SMO: variants seen among roughly 807,000 people sequenced by gnomAD.
SMO encodes protein smoothened.
A neutral mutation model predicts 81.6 loss-of-function variants in SMO; 40 were observed. That is an observed-to-expected ratio of 0.49 (90% CI 0.38 to 0.64). The LOEUF (loss-of-function observed/expected upper bound fraction) is 0.64. Among genes scored for constraint, SMO ranks in the 30% least tolerant of loss-of-function variants. SMO has a pLI of 0.00. For missense variants in SMO, 916 were observed against 1,061.1 expected (o/e 0.86, Z 1.90); for synonymous variants, 434 against 432.1 (o/e 1.00, Z -0.05).
chr7:129,192,050 A>G (rs546852097), intron 1 of SMO, among the ~76,000 whole-genome samples: 1 of 152,202 alleles, frequency 6.6e-6, no homozygotes, highest in Non-Finnish European at 1.5e-5. Context: ...TCTAAAAAAA[A>G]AAAAGGAAGA....
In SMO at chr7:129,208,283, T is replaced by C. The variant is rs1446095492; in HGVS notation, c.1265-476T>C. ...TCCTGGCCAACATGGTGAAACCCCA[T>C]CTTTACAAAAATACAAAAATTAGCC... On this transcript the variant is annotated intron_variant, in intron 6 of 11. Coordinates refer to ENST00000249373, the MANE Select transcript of SMO (RefSeq NM_005631.5). The surrounding 1 kb of genome is among the most constrained non-coding windows in gnomAD (Gnocchi z 5.2). Among the ~76,000 whole-genome samples the C allele has an allele frequency of 6.6e-6, 1 of 152,038 alleles. No individual in the cohort carries two copies. Among genetic ancestry groups the C allele is most frequent in the African/African-American group, 2.4e-5 (1 of 41,418 alleles).
In SMO at chr7:129,208,989, G is replaced by GGTGGTA; in HGVS notation, c.1357+149_1357+154dup. ...GGGACAAGGACAAGGGGTGTGTGTA[G>GGTGGTA]GTGGTAGTGGTAGTGGCAGCTCAAA... On this transcript the variant is annotated intron_variant, in intron 7 of 11. Coordinates refer to ENST00000249373, the MANE Select transcript of SMO (RefSeq NM_005631.5). This position sits in a 1 kb window ranked among gnomAD's most constrained non-coding sequence, Gnocchi z 5.2. 1.5e-6 allele frequency: 1 copy of GGTGGTA among 659,502 alleles called. No homozygotes were observed. Among genetic ancestry groups the GGTGGTA allele is most frequent in the Non-Finnish European group, 2.7e-6 (1 of 367,020 alleles). 40.9% of individuals were successfully genotyped at this position (659,502 alleles called of 1,614,324 possible).
rs1793914729 is a variant in SMO at position 129,213,506 on chromosome 7, G to A, written c.*1055G>A. 8.6e-6 allele frequency: 2 copies of A among 231,556 alleles called. No individual in the cohort carries two copies. Among genetic ancestry groups the A allele is most frequent in the Non-Finnish European group, 8.6e-6 (1 of 116,786 alleles). 14.3% of individuals were successfully genotyped at this position (231,556 alleles called of 1,614,324 possible). A position where few individuals can be genotyped will look rare whatever the true frequency, so the allele number is the denominator to read the frequency against. ...AGATGCTGGCTGGGTTCCAGGTTAT[G>A]GGGAGAAGAAATACAGTCAATAAAA... On this transcript the variant is annotated 3_prime_UTR_variant, in exon 12 of 12. Transcript: ENST00000249373.
At chr7:129,205,816 AGG>A (rs761700757) in intron 4 of SMO, 34 bp downstream of exon 4, 1 of 1,585,428 alleles carries the variant, frequency 6.3e-7, no homozygotes, top group African/African-American at 1.3e-5. Flanking sequence ...GTGAAGGTAC[AGG>A]GAGGAAGGCT....
At chr7:129,205,871 C>A in intron 4 of SMO, 89 bp downstream of exon 4, 1 of 1,231,126 alleles carries the variant, frequency 8.1e-7, no homozygotes, top group Non-Finnish European at 1.1e-6. Flanking sequence ...CGTGTAAAAC[C>A]GAGATCCAGG....
rs2150655028 is a variant in SMO, at chr7:129,211,171, T to C, written c.1801+58T>C. The C allele has an allele frequency of 6.5e-7, 1 of 1,541,086 alleles. No homozygotes were observed. ...TGGCCCCGCGCTGCCCATGTGCTAG[T>C]CTCTCCCAGCCTGCTGGGGGCACAC... On this transcript the variant is annotated intron_variant, in intron 10 of 11. Coordinates refer to ENST00000249373, the MANE Select transcript of SMO (RefSeq NM_005631.5). This position sits in a 1 kb window ranked among gnomAD's most constrained non-coding sequence, Gnocchi z 4.6.
At position 129,189,522 on chromosome 7, in the gene SMO, C is replaced by G. The variant is rs1793451756; in HGVS notation, c.331+40C>G. On this transcript the variant is annotated intron_variant, in intron 1 of 11. Coordinates refer to ENST00000249373, the MANE Select transcript of SMO (RefSeq NM_005631.5). This position sits in a 1 kb window ranked among gnomAD's most constrained non-coding sequence, Gnocchi z 4.7. ...GCCGGGTCTGGGGGGCGGGAGGTGC[C>G]GCGGTAAGATGGGGGCACCCTTGGA... 1.3e-6 allele frequency: 2 copies of G among 1,531,926 alleles called. No individual in the cohort carries two copies. Among genetic ancestry groups the G allele is most frequent in the Admixed American group, 2.0e-5 (1 of 50,868 alleles). The allele number at this position is 1,531,926 out of a possible 1,614,324, so 94.9% of individuals were successfully genotyped here.
Position 129,210,156 on chromosome 7 carries a change from A to C in SMO, c.1467-207A>C. The C allele has an allele frequency of 1.9e-6, 1 of 538,228 alleles. No homozygotes were observed. Among genetic ancestry groups the C allele is most frequent in the Non-Finnish European group, 3.4e-6 (1 of 298,346 alleles). 33.3% of individuals were successfully genotyped at this position (538,228 alleles called of 1,614,324 possible). Reference sequence around the variant, plus strand: ...GTTTTTGGATTGATTGTCTGAGTCTACCCAGTAGACTCAGAAAACCCCACC... The same window carrying C: ...GTTTTTGGATTGATTGTCTGAGTCTCCCCAGTAGACTCAGAAAACCCCACC... On this transcript the variant is annotated intron_variant, in intron 8 of 11. Transcript: ENST00000249373. This position sits in a 1 kb window ranked among gnomAD's most constrained non-coding sequence, Gnocchi z 4.7.
At position 129,205,239 on chromosome 7, in the gene SMO, C is replaced by T. The variant is rs1793743645; in HGVS notation, c.574C>T (p.Gln192Ter). The T allele has an allele frequency of 1.2e-6, 2 of 1,614,220 alleles. No homozygotes were observed. Among genetic ancestry groups the T allele is most frequent in the Non-Finnish European group, 1.7e-6 (2 of 1,180,046 alleles). ...VQNIKFNSSG[Q>*]CEVPLVRTDN... ...GAACATCAAGTTCAACAGTTCAGGC[C>T]AGTGCGAAGTGCCCTTGGTTCGGAC... The change falls in exon 3 of 12, where the codon CAG becomes TAG. Residue 192 changes from glutamine (Q) to a stop codon, truncating the protein, a stop_gained. Transcript: ENST00000249373. LOFTEE classifies it high-confidence loss of function.
At chr7:129,192,515 G>C (rs1326509188) in intron 1 of SMO, among the ~76,000 whole-genome samples, 1 of 152,216 alleles carries the variant, frequency 6.6e-6, no homozygotes. Context: ...AGAAGCCATA[G>C]GAGCAGGGAA....
In SMO at chr7:129,205,270, A is replaced by G. The variant is rs765069727; in HGVS notation, c.605A>G (p.Asn202Ser). 1 of 1,614,168 alleles carries G rather than the reference A, an allele frequency of 6.2e-7. No homozygotes were observed. Among genetic ancestry groups the G allele is most frequent in the Non-Finnish European group, 8.5e-7 (1 of 1,180,006 alleles). ...GAAGTGCCCTTGGTTCGGACAGACA[A>G]CCCCAAGAGCTGGTACGAGGACGTG... ...QCEVPLVRTD[N>S]PKSWYEDVEG... The change falls in exon 3 of 12, where the codon AAC (asparagine) becomes AGC (serine). Residue 202 changes from asparagine to serine, a missense_variant. Transcript: ENST00000249373.
At chr7:129,192,260 G>A (rs1793492545) in intron 1 of SMO, among the ~76,000 whole-genome samples, 2 of 152,206 alleles carry the variant, frequency 1.3e-5, no homozygotes, top group African/African-American at 4.8e-5. Flanking sequence ...GTACAAAGGT[G>A]TAGAGGTAGG....
At chr7:129,198,983 T>A (rs537116643) in intron 1 of SMO, among the ~76,000 whole-genome samples, 1 of 152,324 alleles carries the variant, frequency 6.6e-6, no homozygotes, top group African/African-American at 2.4e-5. Context: ...CTGTTTCTAC[T>A]TTTTTGCTAT....
intron 1 of SMO, among the ~76,000 whole-genome samples, chr7:129,197,531 G>A (rs1371826332): frequency 6.6e-6 from 1 of 152,052 alleles, no homozygotes; most frequent in African/African-American, 2.4e-5. Context: ...GGGTTCAAGC[G>A]ATTCTCCTGC....
At chr7:129,203,036 C>T (rs538732693) in intron 1 of SMO, among the ~76,000 whole-genome samples, 3 of 152,320 alleles carry the variant, frequency 2.0e-5, no homozygotes, top group African/African-American at 2.4e-5. Flanking sequence ...CCCATGTAAC[C>T]AGTACCAGAT....
In SMO at chr7:129,212,438, A is replaced by ACT; in HGVS notation, c.2353_2354dup (p.Asp786ArgfsTer63). 1 of 1,610,710 alleles carries ACT rather than the reference A, an allele frequency of 6.2e-7. No individual in the cohort carries two copies. The highest frequency in any genetic ancestry group is 8.5e-7 in the Non-Finnish European group (1 of 1,177,498). ...ATGGACACAGAACTCATGGATGCAG[A>ACT]CTCGGACTTCTGAGCCTGCAGAGCA... On this transcript the variant is annotated frameshift_variant, in exon 12 of 12. Transcript: ENST00000249373. LOFTEE classifies it high-confidence loss of function. The surrounding 1 kb of genome is among the most constrained non-coding windows in gnomAD (Gnocchi z 5.0).
chr7:129,210,559 C>T lies in SMO; in HGVS notation c.1652+11C>T, dbSNP rs770461233. On this transcript the variant is annotated intron_variant, in intron 9 of 11. Coordinates refer to ENST00000249373, the MANE Select transcript of SMO (RefSeq NM_005631.5). The surrounding 1 kb of genome is among the most constrained non-coding windows in gnomAD (Gnocchi z 4.7). ...GCGTACCTGGTGCAGGTGGGCATGG[C>T]AGCCAGCCCCTCCTGCCCTGCCCGC... 2 of 1,606,232 alleles carry T rather than the reference C, an allele frequency of 1.2e-6. No homozygotes were observed. The highest frequency in any genetic ancestry group is 3.3e-5 in the Admixed American group (2 of 59,986).
At chr7:129,204,310 G>A (rs2150647406) in intron 2 of SMO, among the ~76,000 whole-genome samples, 1 of 151,938 alleles carries the variant, frequency 6.6e-6, no homozygotes, top group East Asian at 1.9e-4. Context: ...TCCAGCCTGG[G>A]CTACAGAGTG....
At chr7:129,209,477 G>T (rs1188862672) in intron 8 of SMO, 80 bp downstream of exon 8, 1 of 872,614 alleles carries the variant, frequency 1.1e-6, no homozygotes, top group Non-Finnish European at 1.9e-6. Flanking sequence ...CCACCGGGCA[G>T]CAGGGATTTG....
Sources: gnomAD v4.1 joint callset for allele counts (sites outside exome capture counted in the v4.1 genomes callset) on GRCh38, gnomAD v4.1.1 for gene constraint, Gnocchi (gnomAD v3.1) non-coding constraint, MANE v1.5 for transcripts, NCBI Gene and HGNC (gene_info 2026-07-23, HGNC 2026-07-21) for gene names.